GSTCD: variants seen among roughly 807,000 people sequenced by gnomAD.
GSTCD encodes the protein glutathione S-transferase C-terminal domain containing.
Under a neutral mutation model 68.3 loss-of-function variants are expected in GSTCD, and 44 were observed. The observed-to-expected ratio is 0.64, with a 90% CI of 0.51 to 0.83. GSTCD has a LOEUF of 0.83. Ranked by LOEUF, GSTCD falls within the 40% of genes least tolerant of loss-of-function variation. The pLI is 0.00. For missense variants in GSTCD, 739 were observed against 735.9 expected, an observed-to-expected ratio of 1.00 and a Z score of -0.05; for synonymous variants, 273 against 255.2, an observed-to-expected ratio of 1.07 and a Z score of -0.67.
At chr4:105,794,743 CT>C (rs1379563035) in intron 5 of GSTCD, among the ~76,000 whole-genome samples, 1 of 151,590 alleles carries the variant, frequency 6.6e-6, no homozygotes, top group Non-Finnish European at 1.5e-5. Flanking sequence ...TTACTGGAGT[CT>C]TTTGCATTTC....
intron 5 of GSTCD, among the ~76,000 whole-genome samples, chr4:105,750,447 C>T (rs1336585294): frequency 1.5e-5 from 2 of 134,026 alleles, no homozygotes; most frequent in South Asian, 2.2e-4. Context: ...GCAACCAGAG[C>T]GAAACTCCGT....
In GSTCD at chr4:105,719,517, A is replaced by G. The variant is rs2149205835; in HGVS notation, c.884A>G (p.His295Arg). 1 of 1,612,664 alleles carries G rather than the reference A, an allele frequency of 6.2e-7. No individual in the cohort carries two copies. The highest frequency in any genetic ancestry group is 1.1e-5 in the South Asian group (1 of 91,028). The change falls in exon 3 of 12, where the codon CAT (histidine) becomes CGT (arginine). Residue 295 changes from histidine to arginine, a missense_variant. Transcript: ENST00000515279. ...GATATTGTGCTCTTGCCCTGTATCC[A>G]TCATTTCTTGGTAAGGTTTCATCTG... Reference protein sequence around the residue: ...LADIVLLPCIHHFLVIISRKF... With the variant: ...LADIVLLPCIRHFLVIISRKF...
chr4:105,760,475 C>A (rs1734364481), intron 5 of GSTCD, among the ~76,000 whole-genome samples: 1 of 152,118 alleles, frequency 6.6e-6, no homozygotes, highest in Non-Finnish European at 1.5e-5. Context: ...TTACCAACTG[C>A]ATTGCATTTT....
intron 5 of GSTCD, among the ~76,000 whole-genome samples, chr4:105,776,235 A>G (rs1735055703): frequency 6.6e-6 from 1 of 152,206 alleles, no homozygotes; most frequent in African/African-American, 2.4e-5. Flanking sequence ...CTGTGCTGGC[A>G]GCGAGAATTT....
At chr4:105,780,205 A>C (rs1474465889) in intron 5 of GSTCD, among the ~76,000 whole-genome samples, 2 of 152,204 alleles carry the variant, frequency 1.3e-5, no homozygotes, top group Non-Finnish European at 2.9e-5. Context: ...TCAGTTGCCT[A>C]TGACTTATTA....
At chr4:105,732,610 T>C (rs986045610) in intron 5 of GSTCD, among the ~76,000 whole-genome samples, 28 of 152,106 alleles carry the variant, frequency 1.8e-4, no homozygotes, top group Admixed American at 1.6e-3. Context: ...GCCAGCAGTC[T>C]ATCAATTTTG....
At chr4:105,710,232 A>ATTTTCTTT (rs1732480040) in intron 1 of GSTCD, among the ~76,000 whole-genome samples, 1 of 85,722 alleles carries the variant, frequency 1.2e-5, no homozygotes, top group Admixed American at 1.6e-4. Flanking sequence ...GGGCCCATCA[A>ATTTTCTTT]TTTTTTTTTT....
intron 5 of GSTCD, among the ~76,000 whole-genome samples, chr4:105,754,307 T>G (rs1734107998): frequency 6.6e-6 from 1 of 152,126 alleles, no homozygotes; most frequent in Non-Finnish European, 1.5e-5. Context: ...TTGTCTAAGA[T>G]TGAATCATCA....
chr4:105,717,823 T>C lies in GSTCD; in HGVS notation c.210T>C (p.Asp70=). Residue 70 remains aspartate, a synonymous_variant, in exon 2 of 12, where the codon GAT becomes GAC. Transcript: ENST00000515279. ...TACTAAGAGATGACCTGATCCAGGA[T>C]GTTGAAATACAGATTATTTCAAGGC... ...SSLLRDDLIQ[D]VEIQIISRQE... is the part of the protein sequence containing the mutation. 1.2e-6 allele frequency: 2 copies of C among 1,613,982 alleles called. No individual in the cohort carries two copies. The highest frequency in any genetic ancestry group is 1.7e-6 in the Non-Finnish European group (2 of 1,179,864).
chr4:105,729,450 T>A lies in GSTCD; in HGVS notation c.1191T>A (p.Thr397=). The A allele has an allele frequency of 6.2e-7, 1 of 1,612,386 alleles. No individual in the cohort carries two copies. The highest frequency in any genetic ancestry group is 8.5e-7 in the Non-Finnish European group (1 of 1,178,972). The part of the protein sequence containing the change: ...EVMFSPHPCP[T]WTLDWNVLPA... ...TGTTTTCTCCCCACCCTTGCCCTAC[T>A]TGGACTCTTGATTGGAATGTTCTCC... The change falls in exon 5 of 12, where the codon ACT becomes ACA. Residue 397 remains threonine, a synonymous_variant. Coordinates refer to ENST00000515279, the MANE Select transcript of GSTCD (RefSeq NM_001370181.1).
At chr4:105,828,183 T>C (rs1257108626) in intron 8 of GSTCD, among the ~76,000 whole-genome samples, 1 of 152,184 alleles carries the variant, frequency 6.6e-6, no homozygotes, top group East Asian at 1.9e-4. Context: ...TCAAAACAGT[T>C]TTATTTTCTA....
intron 1 of GSTCD, among the ~76,000 whole-genome samples, chr4:105,717,286 C>T (rs536464563): frequency 3.3e-5 from 5 of 152,268 alleles, no homozygotes; most frequent in Admixed American, 1.3e-4. Flanking sequence ...TTCTATTTAT[C>T]TCCTGTTCTC....
chr4:105,739,725 G>T (rs148656549), intron 5 of GSTCD, among the ~76,000 whole-genome samples: 35 of 152,314 alleles, frequency 2.3e-4, no homozygotes, highest in Non-Finnish European at 4.7e-4. Flanking sequence ...TGTTGCTTCA[G>T]TTCTGGTCCA....
chr4:105,838,484 G>C (rs1578526232), intron 10 of GSTCD, among the ~76,000 whole-genome samples: 1 of 152,100 alleles, frequency 6.6e-6, no homozygotes, highest in East Asian at 1.9e-4. Flanking sequence ...TTTGTTGTTG[G>C]TTTACAACTC....
intron 5 of GSTCD, among the ~76,000 whole-genome samples, chr4:105,731,451 C>T (rs1174031798): frequency 1.3e-5 from 2 of 152,134 alleles, no homozygotes; most frequent in Non-Finnish European, 2.9e-5. Flanking sequence ...CTTCACATCC[C>T]TTGTAAGTTG....
chr4:105,769,775 A>T (rs1195894603), intron 5 of GSTCD, among the ~76,000 whole-genome samples: 1 of 151,968 alleles, frequency 6.6e-6, no homozygotes, highest in East Asian at 1.9e-4. Flanking sequence ...TTTATTTTTG[A>T]GACAAGGCCT....
intron 2 of GSTCD, among the ~76,000 whole-genome samples, chr4:105,718,821 A>G (rs1177614956): frequency 1.3e-5 from 2 of 152,090 alleles, no homozygotes; most frequent in Non-Finnish European, 2.9e-5. Context: ...GGGGAGGTAT[A>G]TTGTAAAGGC....
chr4:105,798,767 G>C (rs1055585427), intron 5 of GSTCD, among the ~76,000 whole-genome samples: 1 of 97,492 alleles, frequency 1.0e-5, no homozygotes, highest in Non-Finnish European at 2.3e-5. Context: ...GAATAAATTT[G>C]TCATCATTTA....
At chr4:105,803,747 CAT>C (rs1450921010) in intron 5 of GSTCD, among the ~76,000 whole-genome samples, 2 of 150,774 alleles carry the variant, frequency 1.3e-5, no homozygotes, top group East Asian at 1.9e-4. Flanking sequence ...AACTTGAAAA[CAT>C]AATGTTGTAT....
Sources: gnomAD v4.1 joint callset for allele counts (sites outside exome capture counted in the v4.1 genomes callset) on GRCh38, gnomAD v4.1.1 for gene constraint, MANE v1.5 for transcripts, NCBI Gene and HGNC (gene_info 2026-07-23, HGNC 2026-07-21) for gene names.